EMG1: variants seen among roughly 807,000 people sequenced by gnomAD.
EMG1 encodes ribosomal RNA small subunit methyltransferase NEP1.
Under a neutral mutation model 26.9 loss-of-function variants are expected in EMG1, and 24 were observed. The ratio of observed to expected loss-of-function variants is 0.89; its 90% CI spans 0.65 to 1.26. The LOEUF (loss-of-function observed/expected upper bound fraction) is 1.26, where lower values mean the gene tolerates loss of function less well. Ranked by LOEUF, EMG1 falls within the 50% of genes most tolerant of loss-of-function variation. The pLI, the probability that EMG1 is intolerant of heterozygous loss-of-function variation, is 0.00. For missense variants in EMG1, 299 were observed against 307.6 expected, an observed-to-expected ratio of 0.97 and a Z score of 0.21; for synonymous variants, 140 against 112.6, an observed-to-expected ratio of 1.24 and a Z score of -1.54.
rs1555154988 is a variant in EMG1 at position 6,987,963 on chromosome 12, T to G, written c.*211+125T>G. On this transcript the variant is annotated intron_variant and NMD_transcript_variant, in intron 7 of 7. Coordinates refer to the EMG1 transcript ENST00000261406. This position sits in a 1 kb window ranked among gnomAD's most constrained non-coding sequence, Gnocchi z 4.1. ...TACTCTGGGATCAACAGTCACCTCTTGAACTTTTGGGGTGCTTGGCAATAG... is the reference window on the plus strand; with the variant it reads ...TACTCTGGGATCAACAGTCACCTCTGGAACTTTTGGGGTGCTTGGCAATAG... 2.5e-6 allele frequency: 1 copy of G among 397,672 alleles called. No homozygotes were observed. Among genetic ancestry groups the G allele is most frequent in the Non-Finnish European group, 4.4e-6 (1 of 224,880 alleles). The allele number at this position is 397,672 out of a possible 1,614,324, so 24.6% of individuals were successfully genotyped here. A position where few individuals can be genotyped will look rare whatever the true frequency, so the allele number is the denominator to read the frequency against.
downstream of EMG1, among the ~76,000 whole-genome samples, chr12:6,992,045 A>G (rs781885474): frequency 6.6e-6 from 1 of 152,192 alleles, no homozygotes; most frequent in East Asian, 1.9e-4. Flanking sequence ...TACAAAAATT[A>G]GCTGGGTGTG....
chr12:6,989,041 T>C (rs964925004), downstream of EMG1, among the ~76,000 whole-genome samples: 1 of 151,574 alleles, frequency 6.6e-6, no homozygotes, highest in East Asian at 2.0e-4. Context: ...CAGAATTGCT[T>C]GAACCTGGGA....
chr12:6,981,944 T>C (rs782567472), downstream of EMG1: 6 of 989,148 alleles, frequency 6.1e-6, no homozygotes, highest in Non-Finnish European at 8.2e-6. Flanking sequence ...ATCACTACTA[T>C]TTCTTCTCCT....
chr12:6,971,564 CTG>C (rs1383231552), intron 1 of EMG1, among the ~76,000 whole-genome samples: 5 of 152,242 alleles, frequency 3.3e-5, no homozygotes, highest in Admixed American at 6.5e-5. Context: ...GCGTGAGCCA[CTG>C]TGCCCGGCCG....
At chr12:6,975,017 T>G (rs1591708343) in intron 3 of EMG1, 73 bp from the exon 4 acceptor site, 3 of 1,463,334 alleles carry the variant, frequency 2.1e-6, no homozygotes, top group Non-Finnish European at 1.9e-6. Context: ...TCCATGGGGT[T>G]TTCCTTGTTC....
downstream of EMG1, among the ~76,000 whole-genome samples, chr12:6,982,502 G>A (rs1320813045): frequency 6.6e-6 from 1 of 152,178 alleles, no homozygotes; most frequent in Admixed American, 6.5e-5. Context: ...ATTACAATCT[G>A]TGGATGGAAC....
downstream of EMG1, chr12:6,981,221 G>C (rs782526751): frequency 1.2e-5 from 18 of 1,536,556 alleles, 1 homozygote; most frequent in South Asian, 2.5e-5. Context: ...GGATAGCCTT[G>C]AATCTCCCCA....
In EMG1 at chr12:6,978,293, A is replaced by G. The variant is rs1591711291; in HGVS notation, c.*2484A>G. 5 of 1,564,624 alleles carry G rather than the reference A, an allele frequency of 3.2e-6. No homozygotes were observed. Among genetic ancestry groups the G allele is most frequent in the Non-Finnish European group, 4.3e-6 (5 of 1,154,300 alleles). On this transcript the variant is annotated 3_prime_UTR_variant, in exon 6 of 6. Transcript: ENST00000599672. ...CACCCCTGCCCTCCAATCTGGGAAG[A>G]CAGTGGAAGGAAGGAACCAGGGTCC...
intron 7 of EMG1, among the ~76,000 whole-genome samples, chr12:6,994,386 T>G (rs1946617994): frequency 6.6e-6 from 1 of 152,080 alleles, no homozygotes; most frequent in Non-Finnish European, 1.5e-5. Flanking sequence ...TTTTGTATTT[T>G]CAGTAGAGAT....
chr12:6,977,812 G>A lies in EMG1; in HGVS notation c.*2003G>A. ...TCCTTGCATCCCGCCACCTGCCTCT[G>A]GGTCCTCACCCTGAGGATTGGATTG... On this transcript the variant is annotated 3_prime_UTR_variant, in exon 6 of 6. Coordinates refer to ENST00000599672, the MANE Select transcript of EMG1 (RefSeq NM_006331.8). The surrounding 1 kb of genome is among the most constrained non-coding windows in gnomAD (Gnocchi z 4.5). 6.3e-7 allele frequency: 1 copy of A among 1,588,708 alleles called. No individual in the cohort carries two copies. Among genetic ancestry groups the A allele is most frequent in the Admixed American group, 1.7e-5 (1 of 59,512 alleles).
In EMG1 at chr12:6,977,260, C is replaced by T; in HGVS notation, c.*1451C>T. 1.9e-6 allele frequency: 3 copies of T among 1,612,772 alleles called. No homozygotes were observed. Among genetic ancestry groups the T allele is most frequent in the Admixed American group, 1.7e-5 (1 of 60,012 alleles). On this transcript the variant is annotated 3_prime_UTR_variant, in exon 6 of 6. Coordinates refer to ENST00000599672, the MANE Select transcript of EMG1 (RefSeq NM_006331.8). This position sits in a 1 kb window ranked among gnomAD's most constrained non-coding sequence, Gnocchi z 4.5. ...GGCCAAGGAAATAGATGGATTTATA[C>T]ACCTGTGGAGAGAGAGGCCACTAAG... is the stretch of plus-strand genomic sequence containing the variant.
rs781889016 is a variant in EMG1 at position 6,977,498 on chromosome 12, T to A, written c.*1689T>A. ...GTAATGGCGGCCAGCTTGCTCAGGG[T>A]GGGGCTCTCTTGAATGAGCCTGGCA... On this transcript the variant is annotated 3_prime_UTR_variant, in exon 6 of 6. Coordinates refer to ENST00000599672, the MANE Select transcript of EMG1 (RefSeq NM_006331.8). This position sits in a 1 kb window ranked among gnomAD's most constrained non-coding sequence, Gnocchi z 4.5. 1.2e-6 allele frequency: 2 copies of A among 1,614,106 alleles called. No homozygotes were observed. The highest frequency in any genetic ancestry group is 1.7e-6 in the Non-Finnish European group (2 of 1,180,010).
intron 6 of EMG1, among the ~76,000 whole-genome samples, chr12:6,986,092 T>C (rs1010901610): frequency 6.6e-6 from 1 of 152,068 alleles, no homozygotes; most frequent in Non-Finnish European, 1.5e-5. Context: ...GTTTTTTTTT[T>C]AATTGCTGTT....
chr12:6,976,289 G>A lies in EMG1; in HGVS notation c.*480G>A, dbSNP rs782131664. Reference sequence around the variant, plus strand: ...CCCTCTCCACCCCCCCATGGGGGGGGTGGTGGTAGCGGCACATACACAATC... The same window carrying A: ...CCCTCTCCACCCCCCCATGGGGGGGATGGTGGTAGCGGCACATACACAATC... On this transcript the variant is annotated 3_prime_UTR_variant, in exon 6 of 6. Coordinates refer to ENST00000599672, the MANE Select transcript of EMG1 (RefSeq NM_006331.8). 1.3e-5 allele frequency: 2 copies of A among 154,276 alleles called. No individual in the cohort carries two copies. Among genetic ancestry groups the A allele is most frequent in the Non-Finnish European group, 2.9e-5 (2 of 69,402 alleles). The allele number at this position is 154,276 out of a possible 1,614,324, so 9.6% of individuals were successfully genotyped here. A position where few individuals can be genotyped will look rare whatever the true frequency, so the allele number is the denominator to read the frequency against.
chr12:6,993,128 T>C (rs1292537892), downstream of EMG1, among the ~76,000 whole-genome samples: 1 of 152,176 alleles, frequency 6.6e-6, no homozygotes, highest in African/African-American at 2.4e-5. Context: ...GTGTAAAATG[T>C]AATGTTTTTT....
chr12:6,983,707 C>CA (rs1347958479), downstream of EMG1, among the ~76,000 whole-genome samples: 1 of 151,898 alleles, frequency 6.6e-6, no homozygotes, highest in Non-Finnish European at 1.5e-5. Context: ...CCCCAAGAAC[C>CA]AAAAGTTTTT....
At chr12:6,973,565 C>CT (rs1431865732) in intron 1 of EMG1, among the ~76,000 whole-genome samples, 4 of 151,826 alleles carry the variant, frequency 2.6e-5, no homozygotes, top group Non-Finnish European at 5.9e-5. Context: ...TTTCACATTT[C>CT]TTTTTTTTGA....
chr12:6,977,993 G>T lies in EMG1; in HGVS notation c.*2184G>T. 1 of 571,216 alleles carries T rather than the reference G, an allele frequency of 1.8e-6. No homozygotes were observed. The highest frequency in any genetic ancestry group is 3.1e-6 in the Non-Finnish European group (1 of 320,292). 35.4% of individuals were successfully genotyped at this position (571,216 alleles called of 1,614,324 possible). ...CAGCAGTGACTGAGGCTGATGCTGA[G>T]ATCAGTGGTGAACCAGACACTCTAC... On this transcript the variant is annotated 3_prime_UTR_variant, in exon 6 of 6. Transcript: ENST00000599672. The surrounding 1 kb of genome is among the most constrained non-coding windows in gnomAD (Gnocchi z 4.5).
Position 6,975,133 on chromosome 12 carries a change from C to G in EMG1, c.456C>G (p.Pro152=), listed in dbSNP as rs782283932. ...TCAGTGTTCGAGCAGCTGATGGCCC[C>G]CAGAAGCTTTTGAAGGTGAGGTATT... The part of the protein sequence containing the change: ...HKLSVRAADG[P]QKLLKVIKNP... The change falls in exon 4 of 6, where the codon CCC becomes CCG. Residue 152 remains proline (P), a synonymous_variant. Transcript: ENST00000599672. The G allele has an allele frequency of 6.2e-7, 1 of 1,614,030 alleles. No individual in the cohort carries two copies. Among genetic ancestry groups the G allele is most frequent in the Non-Finnish European group, 8.5e-7 (1 of 1,179,900 alleles).
Sources: allele counts gnomAD v4.1 joint callset (sites outside exome capture counted in the v4.1 genomes callset), GRCh38; gene constraint gnomAD v4.1.1; non-coding constraint Gnocchi (gnomAD v3.1); transcripts MANE v1.5; gene names NCBI Gene and HGNC (gene_info 2026-07-23, HGNC 2026-07-21).